Variants in UBE2E2 observed in about 807,000 individuals in gnomAD.
UBE2E2 encodes ubiquitin conjugating enzyme E2 E2, also known as ubiquitin-conjugating enzyme E2 E2.
A neutral mutation model predicts 24.7 loss-of-function variants in UBE2E2; 6 were observed. The ratio of observed to expected loss-of-function variants is 0.24; its 90% confidence interval spans 0.13 to 0.48. The LOEUF is 0.48. Ranked by LOEUF, UBE2E2 falls within the 20% of genes least tolerant of loss-of-function variation. The pLI is 0.99. For synonymous variants in UBE2E2, 104 were observed against 83.6 expected (o/e 1.24, Z -1.33); for missense variants, 169 against 245.0 (o/e 0.69, Z 2.07).
At chr3:23,513,508 C>T (rs1446646134) in intron 4 of UBE2E2, among the ~76,000 whole-genome samples, 1 of 152,028 alleles carries the variant, frequency 6.6e-6, no homozygotes, top group Non-Finnish European at 1.5e-5. Flanking sequence ...AATAACGTTT[C>T]ACTGAGTATC....
intron 3 of UBE2E2, among the ~76,000 whole-genome samples, chr3:23,337,091 G>A (rs1695230700): frequency 6.7e-6 from 1 of 148,902 alleles, no homozygotes; most frequent in Non-Finnish European, 1.5e-5. Flanking sequence ...AGTGAGCCGA[G>A]ATCATGCTAC....
At chr3:23,420,141 T>G (rs1158680184) in intron 3 of UBE2E2, among the ~76,000 whole-genome samples, 1 of 152,214 alleles carries the variant, frequency 6.6e-6, no homozygotes, top group East Asian at 1.9e-4. Flanking sequence ...TAACCTGAAT[T>G]ATTATTGTTT....
At chr3:23,291,849 A>ATTTTTT (rs57708620) in intron 3 of UBE2E2, among the ~76,000 whole-genome samples, 717 of 64,038 alleles carry the variant, frequency 0.011, 100 homozygotes, top group Middle Eastern at 0.017. Flanking sequence ...TGCCCGGCTA[A>ATTTTTT]TTTTTTTTTT....
chr3:23,484,701 A>G (rs1699323426), intron 3 of UBE2E2, among the ~76,000 whole-genome samples: 1 of 152,226 alleles, frequency 6.6e-6, no homozygotes, highest in South Asian at 2.1e-4. Context: ...ACAGCTTCAC[A>G]TGGCTGGGAA....
At chr3:23,277,645 A>G (rs1282656560) in intron 3 of UBE2E2, among the ~76,000 whole-genome samples, 1 of 152,116 alleles carries the variant, frequency 6.6e-6, no homozygotes, top group Non-Finnish European at 1.5e-5. Context: ...GGGGCTATAA[A>G]TTAATTTTAA....
At chr3:23,449,479 G>A (rs1380288948) in intron 3 of UBE2E2, among the ~76,000 whole-genome samples, 2 of 152,160 alleles carry the variant, frequency 1.3e-5, no homozygotes, top group Non-Finnish European at 2.9e-5. Flanking sequence ...AGAAGCTGTG[G>A]AACTTGGTGA....
chr3:23,295,256 TTCTCCACTGC>T (rs1254859478), intron 3 of UBE2E2, among the ~76,000 whole-genome samples: 1 of 152,246 alleles, frequency 6.6e-6, no homozygotes, highest in Non-Finnish European at 1.5e-5. Context: ...CATTGCACTT[TTCTCCACTGC>T]TCTCTGATCC....
chr3:23,513,464 A>C (rs898248300), intron 4 of UBE2E2, among the ~76,000 whole-genome samples: 5 of 152,128 alleles, frequency 3.3e-5, no homozygotes, highest in Admixed American at 6.5e-5. Flanking sequence ...TGTGATTGAC[A>C]TACAGGGATT....
At chr3:23,440,907 A>G (rs1698290431) in intron 3 of UBE2E2, among the ~76,000 whole-genome samples, 1 of 152,172 alleles carries the variant, frequency 6.6e-6, no homozygotes, top group Admixed American at 6.5e-5. Context: ...TTTAAATCCT[A>G]AGAGACTCGC....
chr3:23,429,643 T>G (rs1036139408), intron 3 of UBE2E2, among the ~76,000 whole-genome samples: 1 of 152,200 alleles, frequency 6.6e-6, no homozygotes, highest in Non-Finnish European at 1.5e-5. Flanking sequence ...ATTCTGCTCT[T>G]ACAGCATTGT....
At chr3:23,276,279 A>G (rs1698373761) in intron 3 of UBE2E2, among the ~76,000 whole-genome samples, 1 of 152,142 alleles carries the variant, frequency 6.6e-6, no homozygotes, top group Non-Finnish European at 1.5e-5. Flanking sequence ...GAAAAAATAC[A>G]CTTCATTTAT....
intron 3 of UBE2E2, among the ~76,000 whole-genome samples, chr3:23,476,935 TTTGTG>T (rs1275553426): frequency 6.6e-6 from 1 of 152,122 alleles, no homozygotes; most frequent in East Asian, 1.9e-4. Context: ...ATTCTAGAAG[TTTGTG>T]TTAAGTTCCT....
intron 3 of UBE2E2, among the ~76,000 whole-genome samples, chr3:23,251,022 A>G (rs966490099): frequency 6.6e-6 from 1 of 152,056 alleles, no homozygotes; most frequent in Non-Finnish European, 1.5e-5. Flanking sequence ...CATGCTTCTA[A>G]TTAAAAAAAG....
At chr3:23,363,663 C>T (rs1339076059) in intron 3 of UBE2E2, among the ~76,000 whole-genome samples, 1 of 152,098 alleles carries the variant, frequency 6.6e-6, no homozygotes, top group Admixed American at 6.6e-5. Flanking sequence ...TCTTACAGAC[C>T]TATGAAGAGA....
intron 5 of UBE2E2, among the ~76,000 whole-genome samples, chr3:23,533,679 A>G (rs1201531476): frequency 7.9e-6 from 1 of 126,700 alleles, no homozygotes; most frequent in East Asian, 2.4e-4. Context: ...GCTGGAGTGC[A>G]GTGGCACGAT....
At chr3:23,512,250 C>T (rs539954002) in intron 4 of UBE2E2, among the ~76,000 whole-genome samples, 1 of 150,088 alleles carries the variant, frequency 6.7e-6, no homozygotes, top group Non-Finnish European at 1.5e-5. Flanking sequence ...GACAGTCTTA[C>T]CCTGTCACCC....
chr3:23,264,688 G>A (rs543858548), intron 3 of UBE2E2, among the ~76,000 whole-genome samples: 1 of 152,336 alleles, frequency 6.6e-6, no homozygotes, highest in Non-Finnish European at 1.5e-5. Context: ...TTAGGAGAAT[G>A]AAATGGATGG....
At chr3:23,562,174 T>C (rs1695947762) in intron 5 of UBE2E2, among the ~76,000 whole-genome samples, 1 of 152,140 alleles carries the variant, frequency 6.6e-6, no homozygotes, top group African/African-American at 2.4e-5. Context: ...CTTCCAGTTT[T>C]TGCCCATTCA....
chr3:23,325,103 G>T (rs1694846960), intron 3 of UBE2E2, among the ~76,000 whole-genome samples: 2 of 152,086 alleles, frequency 1.3e-5, no homozygotes, highest in Non-Finnish European at 2.9e-5. Context: ...TGTACCATCA[G>T]GAAACTTTAG....
Sources: gnomAD v4.1 joint callset for allele counts (sites outside exome capture counted in the v4.1 genomes callset) on GRCh38, gnomAD v4.1.1 for gene constraint, MANE v1.5 for transcripts, NCBI Gene and HGNC (gene_info 2026-07-23, HGNC 2026-07-21) for gene names.